RAD51: variants seen among roughly 807,000 people sequenced by gnomAD.
RAD51 encodes DNA repair protein RAD51 homolog 1.
In RAD51, 14 loss-of-function variants were observed where a neutral mutation model predicts 41.5. That is an observed-to-expected ratio of 0.34 (90% CI 0.22 to 0.53). RAD51 has a LOEUF of 0.53. Ranked by LOEUF, RAD51 falls within the 20% of genes least tolerant of loss-of-function variation. RAD51 has a pLI of 0.95. For missense variants in RAD51, 234 were observed against 422.0 expected, an observed-to-expected ratio of 0.55 and a Z score of 3.90; for synonymous variants, 136 against 148.6, an observed-to-expected ratio of 0.92 and a Z score of 0.62.
At chr15:40,713,645 C>A (rs374609855) in intron 5 of RAD51, among the ~76,000 whole-genome samples, 1 of 141,476 alleles carries the variant, frequency 7.1e-6, no homozygotes, top group African/African-American at 2.7e-5. Flanking sequence ...CTCATTCTGT[C>A]GCCTGGGCTG....
At chr15:40,697,531 T>C (rs1477624636) in intron 1 of RAD51, among the ~76,000 whole-genome samples, 1 of 152,002 alleles carries the variant, frequency 6.6e-6, no homozygotes, top group East Asian at 1.9e-4. Context: ...ACTTTGTTTT[T>C]GACAGACGAT....
intron 1 of RAD51, among the ~76,000 whole-genome samples, chr15:40,698,433 G>A (rs913121929): frequency 1.3e-5 from 2 of 152,030 alleles, no homozygotes; most frequent in Non-Finnish European, 2.9e-5. Context: ...TGATCTGCCC[G>A]CCTCGGCCTC....
At chr15:40,708,314 C>T (rs1011690109) in intron 4 of RAD51, among the ~76,000 whole-genome samples, 13 of 148,650 alleles carry the variant, frequency 8.7e-5, no homozygotes, top group South Asian at 6.4e-4. Context: ...CTGCAGCCTC[C>T]GCCTCCCAGG....
chr15:40,719,719 C>A (rs1896176217), intron 6 of RAD51, among the ~76,000 whole-genome samples: 4 of 152,022 alleles, frequency 2.6e-5, no homozygotes. Flanking sequence ...GTAGTCCCAG[C>A]TACTCGGGAG....
At chr15:40,724,880 T>C (rs1440271989) in intron 6 of RAD51, among the ~76,000 whole-genome samples, 1 of 130,860 alleles carries the variant, frequency 7.6e-6, no homozygotes, top group African/African-American at 2.9e-5. Flanking sequence ...TTTTTTTTAA[T>C]TTTTTTTAAT....
intron 5 of RAD51, among the ~76,000 whole-genome samples, chr15:40,714,670 C>G (rs1895897413): frequency 6.6e-6 from 1 of 152,148 alleles, no homozygotes; most frequent in South Asian, 2.1e-4. Flanking sequence ...TACATTTCAT[C>G]AGCCTAAGAG....
chr15:40,700,939 G>C, intron 2 of RAD51, 125 bp from the exon 3 acceptor site: 56 of 713,414 alleles, frequency 7.8e-5, no homozygotes, highest in East Asian at 1.8e-4. Context: ...GCCCCCCCAA[G>C]GATTTCAAGG....
intron 1 of RAD51, among the ~76,000 whole-genome samples, chr15:40,696,058 A>G (rs1894606202): frequency 1.3e-5 from 2 of 151,780 alleles, no homozygotes; most frequent in Admixed American, 1.3e-4. Flanking sequence ...TTGTATTTTT[A>G]GTAGAGACGG....
chr15:40,712,887 T>TC (rs1195482446), intron 5 of RAD51, among the ~76,000 whole-genome samples: 17 of 145,558 alleles, frequency 1.2e-4, no homozygotes, highest in Admixed American at 1.1e-3. Flanking sequence ...CTTTTTTTTT[T>TC]TTTTTTTTTG....
chr15:40,728,948 G>A, intron 7 of RAD51, 124 bp downstream of exon 7: 1 of 831,712 alleles, frequency 1.2e-6, no homozygotes, highest in Non-Finnish European at 2.0e-6. Flanking sequence ...TATAATTCCT[G>A]TGTTGACACT....
In RAD51 at chr15:40,719,489, C is replaced by T. The variant is rs556534428; in HGVS notation, c.530+590C>T. 2.0e-3 allele frequency among the ~76,000 whole-genome samples: 299 copies of T among 152,158 alleles called. 1 individual carries two copies. The highest frequency in any genetic ancestry group is 9.1e-4 in the Non-Finnish European group (62 of 68,002). ...AAAGATATTGCATGCAAATAGTAAC[C>T]ATAAGAGACACTGCGTGGCTATACT... On this transcript the variant is annotated intron_variant, in intron 6 of 9. Transcript: ENST00000267868.
At chr15:40,703,238 A>G (rs1163266876) in intron 3 of RAD51, among the ~76,000 whole-genome samples, 1 of 152,058 alleles carries the variant, frequency 6.6e-6, no homozygotes, top group Non-Finnish European at 1.5e-5. Flanking sequence ...GTAAGTGTCT[A>G]GTACATGTTT....
intron 6 of RAD51, 80 bp downstream of exon 6, chr15:40,718,979 A>G (rs553795088): frequency 1.5e-6 from 2 of 1,327,282 alleles, no homozygotes; most frequent in East Asian, 2.3e-5. Flanking sequence ...TGGCCGAAGA[A>G]TGTCTCTTCT....
chr15:40,698,677 G>T, intron 1 of RAD51, 80 bp from the exon 2 acceptor site: 2 of 1,341,262 alleles, frequency 1.5e-6, no homozygotes, highest in South Asian at 1.2e-5. Flanking sequence ...TTTTTGATAC[G>T]ACTAGCTAGA....
At position 40,701,212 on chromosome 15, in the gene RAD51, C is replaced by G; in HGVS notation, c.225+11C>G. 2 of 1,613,752 alleles carry G rather than the reference C, an allele frequency of 1.2e-6. No individual in the cohort carries two copies. Among genetic ancestry groups the G allele is most frequent in the Non-Finnish European group, 8.5e-7 (1 of 1,179,712 alleles). ...GCTGATAAAATTCTGGTAAGTACTGCTTACTTAACCTAGGGAGGCATTAGT... is the reference window on the plus strand; with the variant it reads ...GCTGATAAAATTCTGGTAAGTACTGGTTACTTAACCTAGGGAGGCATTAGT... On this transcript the variant is annotated intron_variant, in intron 3 of 9. Transcript: ENST00000267868.
At chr15:40,704,814 C>T (rs1033282205) in intron 3 of RAD51, among the ~76,000 whole-genome samples, 21 of 151,300 alleles carry the variant, frequency 1.4e-4, no homozygotes, top group African/African-American at 3.6e-4. Flanking sequence ...GGACTACAGG[C>T]GCGTGCCACC....
At chr15:40,724,457 A>G (rs1896441927) in intron 6 of RAD51, among the ~76,000 whole-genome samples, 1 of 152,128 alleles carries the variant, frequency 6.6e-6, no homozygotes, top group Non-Finnish European at 1.5e-5. Flanking sequence ...CAAGCAGTAG[A>G]GCAATGCATT....
chr15:40,719,644 AAC>A (rs1349630524), intron 6 of RAD51, among the ~76,000 whole-genome samples: 2 of 152,164 alleles, frequency 1.3e-5, no homozygotes, highest in East Asian at 1.9e-4. Flanking sequence ...CATCCTGGCT[AAC>A]ACAGTGAAAC....
intron 5 of RAD51, 34 bp from the exon 6 acceptor site, chr15:40,718,771 T>C (rs55924348): frequency 2.6e-6 from 4 of 1,509,890 alleles, no homozygotes; most frequent in South Asian, 1.1e-5. Flanking sequence ...AGAAATACAA[T>C]GTTCATTTCT....
Sources: allele counts gnomAD v4.1 joint callset (sites outside exome capture counted in the v4.1 genomes callset), GRCh38; gene constraint gnomAD v4.1.1; transcripts MANE v1.5; gene names NCBI Gene and HGNC (gene_info 2026-07-23, HGNC 2026-07-21).